The following APBA1 variants were observed in gnomAD, a reference collection of about 807,000 sequenced individuals.
The protein encoded by APBA1 is amyloid-beta A4 precursor protein-binding family A member 1.
In APBA1, 55 loss-of-function variants were observed where a neutral mutation model predicts 86.6. That is an observed-to-expected ratio of 0.64 (90% CI 0.51 to 0.80). The LOEUF (loss-of-function observed/expected upper bound fraction) is 0.80. Among genes scored for constraint, APBA1 ranks in the 30% least tolerant of loss-of-function variants. APBA1 has a pLI of 0.00. For synonymous variants in APBA1, 511 were observed against 493.9 expected (o/e 1.03, Z -0.46); for missense variants, 1,090 against 1,183.0 (o/e 0.92, Z 1.15).
chr9:69,450,673 C>T (rs963823784), intron 9 of APBA1, among the ~76,000 whole-genome samples: 1 of 152,118 alleles, frequency 6.6e-6, no homozygotes, highest in Non-Finnish European at 1.5e-5. Flanking sequence ...ATTACCAACC[C>T]CCAGTGCCTT....
intron 2 of APBA1, among the ~76,000 whole-genome samples, chr9:69,501,499 C>T (rs1004179450): frequency 2.0e-5 from 3 of 151,900 alleles, no homozygotes; most frequent in Non-Finnish European, 4.4e-5. Flanking sequence ...CCCCAGTACA[C>T]GTATCACAGA....
At chr9:69,593,388 G>T (rs1822169583) in intron 1 of APBA1, among the ~76,000 whole-genome samples, 3 of 152,138 alleles carry the variant, frequency 2.0e-5, no homozygotes, top group Admixed American at 1.3e-4. Context: ...CAGGAAAAAG[G>T]CAATGTGTCA....
Position 69,600,666 on chromosome 9 carries a change from G to T in APBA1, c.-70+71487C>A, listed in dbSNP as rs549309410. ...ATAGAAAAATTAGCTGAGTGTGGAGGTACACACCTGTAATCCCAGCTACTC... is the reference window on the plus strand; with the variant it reads ...ATAGAAAAATTAGCTGAGTGTGGAGTTACACACCTGTAATCCCAGCTACTC... On this transcript the variant is annotated intron_variant, in intron 1 of 12. Transcript: ENST00000265381. Among the ~76,000 whole-genome samples the T allele has an allele frequency of 2.0e-5, 3 of 152,016 alleles. No homozygotes were observed. In the South Asian group the frequency reaches 6.2e-4, roughly 32 times the overall value.
At position 69,449,716 on chromosome 9, in the gene APBA1, C is replaced by G. The variant is rs1195812441; in HGVS notation, c.2049G>C (p.Val683=). 6.2e-7 allele frequency: 1 copy of G among 1,614,124 alleles called. No individual in the cohort carries two copies. The highest frequency in any genetic ancestry group is 8.5e-7 in the Non-Finnish European group (1 of 1,180,030). The part of the protein sequence containing the change: ...ESGWGSILPT[V]IIANMMHGGP... ...CACCATGCATCATGTTGGCAATGAT[C>G]ACGGTGGGGAGGATGGATCCCCAGC... The change falls in exon 10 of 13, where the codon GTG becomes GTC. Residue 683 remains valine, a synonymous_variant. Coordinates refer to ENST00000265381, the MANE Select transcript of APBA1 (RefSeq NM_001163.4).
intron 1 of APBA1, among the ~76,000 whole-genome samples, chr9:69,653,231 T>C (rs1380377352): frequency 1.3e-5 from 2 of 152,164 alleles, no homozygotes; most frequent in South Asian, 2.1e-4. Flanking sequence ...TATATAATGA[T>C]AAAGTGGCCA....
At chr9:69,578,557 AC>A (rs2133954428) in intron 1 of APBA1, among the ~76,000 whole-genome samples, 1 of 152,310 alleles carries the variant, frequency 6.6e-6, no homozygotes, top group South Asian at 2.1e-4. Context: ...TGTTTTACAG[AC>A]TTTAAATTAA....
intron 1 of APBA1, among the ~76,000 whole-genome samples, chr9:69,571,197 A>T (rs950667336): frequency 1.8e-4 from 27 of 152,230 alleles, no homozygotes; most frequent in Admixed American, 5.2e-4. Context: ...AAGGGTTGAA[A>T]ATCTTTAAAA....
At position 69,491,877 on chromosome 9, in the gene APBA1, G is replaced by T. The variant is rs568873563; in HGVS notation, c.1201-15734C>A. Among the ~76,000 whole-genome samples, 901 of 151,100 alleles carry T rather than the reference G, an allele frequency of 6.0e-3. 8 individuals carry two copies. The highest frequency in any genetic ancestry group is 0.011 in the Non-Finnish European group (737 of 67,910). On this transcript the variant is annotated intron_variant, in intron 2 of 12. Transcript: ENST00000265381. ...CCTCCCAGGTTCAAGCGATTCTCCT[G>T]CCTCAGCCTCCCGAGTAGCTGGGAT...
At chr9:69,550,401 T>C (rs1836766277) in intron 1 of APBA1, among the ~76,000 whole-genome samples, 1 of 152,242 alleles carries the variant, frequency 6.6e-6, no homozygotes. Context: ...TTTATTTTTT[T>C]ACCTCTTCTG....
At chr9:69,458,963 C>T (rs1049202377) in intron 5 of APBA1, among the ~76,000 whole-genome samples, 5 of 152,116 alleles carry the variant, frequency 3.3e-5, no homozygotes, top group Admixed American at 6.5e-5. Context: ...TGCGCCACCA[C>T]GCCTGGCTAG....
chr9:69,570,828 G>C (rs1026441682), intron 1 of APBA1, among the ~76,000 whole-genome samples: 6 of 152,134 alleles, frequency 3.9e-5, no homozygotes, highest in African/African-American at 1.4e-4. Flanking sequence ...TCCCCACGGC[G>C]ATTGATTACC....
chr9:69,572,421 T>C (rs1246164413), intron 1 of APBA1, among the ~76,000 whole-genome samples: 1 of 152,220 alleles, frequency 6.6e-6, no homozygotes, highest in Non-Finnish European at 1.5e-5. Flanking sequence ...CCCTCACTCC[T>C]ACTCCTTCCC....
chr9:69,519,460 T>G (rs10481751), intron 1 of APBA1, among the ~76,000 whole-genome samples: 113,407 of 152,170 alleles, frequency 0.75, 42,502 homozygotes, highest in East Asian at 0.91. Flanking sequence ...GACAAGAACA[T>G]CATACCCAAG....
At chr9:69,601,905 A>C (rs1351235905) in intron 1 of APBA1, among the ~76,000 whole-genome samples, 1 of 152,212 alleles carries the variant, frequency 6.6e-6, no homozygotes, top group East Asian at 1.9e-4. Flanking sequence ...CTCAGGCTCC[A>C]TGGGCAACCT....
At chr9:69,597,524 C>A (rs997874014) in intron 1 of APBA1, among the ~76,000 whole-genome samples, 2 of 152,106 alleles carry the variant, frequency 1.3e-5, no homozygotes, top group Non-Finnish European at 2.9e-5. Context: ...TAATTAGATC[C>A]CATTTGTCAA....
At chr9:69,563,671 G>T (rs757844340) in intron 1 of APBA1, among the ~76,000 whole-genome samples, 13 of 151,618 alleles carry the variant, frequency 8.6e-5, no homozygotes, top group Non-Finnish European at 1.6e-4. Flanking sequence ...TAATTTGCTA[G>T]AGACTTGTCT....
chr9:69,665,185 C>T (rs931250573), intron 1 of APBA1, among the ~76,000 whole-genome samples: 2 of 152,204 alleles, frequency 1.3e-5, no homozygotes, highest in African/African-American at 4.8e-5. Context: ...TTCTCCACTG[C>T]TTGGTGGACA....
At chr9:69,522,109 T>G (rs931618928) in intron 1 of APBA1, among the ~76,000 whole-genome samples, 7 of 151,742 alleles carry the variant, frequency 4.6e-5, no homozygotes, top group African/African-American at 1.7e-4. Flanking sequence ...TATATATATA[T>G]ATGTGTGTGT....
intron 1 of APBA1, among the ~76,000 whole-genome samples, chr9:69,610,226 T>C (rs1050888301): frequency 3.4e-4 from 51 of 152,210 alleles, no homozygotes; most frequent in African/African-American, 1.2e-3. Context: ...AGGCTGAGGC[T>C]GGAGGATTAC....
Sources: gnomAD v4.1 joint callset for allele counts (sites outside exome capture counted in the v4.1 genomes callset) on GRCh38, gnomAD v4.1.1 for gene constraint, MANE v1.5 for transcripts, NCBI Gene and HGNC (gene_info 2026-07-23, HGNC 2026-07-21) for gene names.